Variants in HS3ST5 observed in about 807,000 individuals in gnomAD.
HS3ST5 encodes heparan sulfate glucosamine 3-O-sulfotransferase 5.
Under a neutral mutation model 25.4 loss-of-function variants are expected in HS3ST5, and 10 were observed. That is an observed-to-expected ratio of 0.39 (90% confidence interval 0.24 to 0.67). The LOEUF (loss-of-function observed/expected upper bound fraction) is 0.67. Among genes scored for constraint, HS3ST5 ranks in the 30% least tolerant of loss-of-function variants. The pLI is 0.44. For missense variants in HS3ST5, 324 were observed against 420.7 expected (o/e 0.77, Z 2.01); for synonymous variants, 170 against 162.4 (o/e 1.05, Z -0.36).
chr6:114,297,398 G>A (rs1774873371), intron 1 of HS3ST5, among the ~76,000 whole-genome samples: 1 of 152,164 alleles, frequency 6.6e-6, no homozygotes, highest in African/African-American at 2.4e-5. Context: ...CAGCCAAGCG[G>A]TGTCCTGAGG....
intron 1 of HS3ST5, among the ~76,000 whole-genome samples, chr6:114,259,573 G>T (rs1437541377): frequency 6.6e-6 from 1 of 152,150 alleles, no homozygotes; most frequent in African/African-American, 2.4e-5. Context: ...GGGTGAAATG[G>T]GTTCTCTTTT....
chr6:114,128,321 C>A (rs747210777), intron 3 of HS3ST5, among the ~76,000 whole-genome samples: 4 of 152,108 alleles, frequency 2.6e-5, no homozygotes, highest in Non-Finnish European at 5.9e-5. Flanking sequence ...TAAATAATAA[C>A]CTTTTTTAAA....
At chr6:114,129,585 T>C (rs1034334630) in intron 3 of HS3ST5, among the ~76,000 whole-genome samples, 4 of 151,802 alleles carry the variant, frequency 2.6e-5, no homozygotes, top group African/African-American at 9.7e-5. Context: ...TAGCAGAGGG[T>C]GGGATGCCAA....
At chr6:114,250,219 G>A (rs955910299) in intron 1 of HS3ST5, among the ~76,000 whole-genome samples, 3 of 152,152 alleles carry the variant, frequency 2.0e-5, no homozygotes, top group Admixed American at 6.5e-5. Flanking sequence ...TTCTTTGAGA[G>A]CTAATGACAA....
At chr6:114,221,460 A>G (rs557558736) in intron 2 of HS3ST5, among the ~76,000 whole-genome samples, 128 of 151,878 alleles carry the variant, frequency 8.4e-4, no homozygotes, top group African/African-American at 3.0e-3. Context: ...AAAAGTTAAC[A>G]TACTCTTACC....
chr6:114,248,029 G>A (rs1025564973), intron 1 of HS3ST5, among the ~76,000 whole-genome samples: 48 of 151,178 alleles, frequency 3.2e-4, no homozygotes, highest in African/African-American at 1.1e-3. Context: ...GCAAAACCCT[G>A]TCTTTACTAA....
intron 1 of HS3ST5, among the ~76,000 whole-genome samples, chr6:114,309,076 C>T (rs1036527762): frequency 2.0e-5 from 3 of 152,150 alleles, no homozygotes; most frequent in Admixed American, 6.5e-5. Flanking sequence ...TACAGAGTCA[C>T]ACTTACAGAG....
chr6:114,236,617 T>C (rs542197447), intron 1 of HS3ST5, among the ~76,000 whole-genome samples: 1 of 152,208 alleles, frequency 6.6e-6, no homozygotes, highest in African/African-American at 2.4e-5. Context: ...TAAAGCATGA[T>C]GATGATCACT....
chr6:114,202,567 A>C (rs1437706789), intron 2 of HS3ST5, among the ~76,000 whole-genome samples: 1 of 152,186 alleles, frequency 6.6e-6, no homozygotes, highest in Non-Finnish European at 1.5e-5. Context: ...TGATGCATGG[A>C]AAATTAAAAT....
rs776616639 is a variant in HS3ST5, at chr6:114,058,044, T to A, written c.254A>T (p.Asp85Val). 9 of 1,614,132 alleles carry A rather than the reference T, an allele frequency of 5.6e-6. No individual in the cohort carries two copies. Among genetic ancestry groups the A allele is most frequent in the Non-Finnish European group, 4.2e-6 (5 of 1,180,026 alleles). The change falls in exon 5 of 5, where the codon GAC becomes GTC. Residue 85 changes from aspartate to valine, a missense_variant. Physicochemically the swap from Asp to Val is radical, Grantham distance 152. This residue lies in a region of HS3ST5 where 121 missense variants were observed against 117.3 expected (regional missense o/e 1.03). Transcript: ENST00000312719. ...NASKEQVRLH[D>V]LVQQLPKAII... ...GGCCTTGGGGAGCTGCTGGACCAGGTCATGGAGGCGAACCTGCTCCTTGGA... is the reference window on the plus strand; with the variant it reads ...GGCCTTGGGGAGCTGCTGGACCAGGACATGGAGGCGAACCTGCTCCTTGGA...
intron 3 of HS3ST5, among the ~76,000 whole-genome samples, chr6:114,103,857 A>ATTTTTTTTTTTTTT (rs71553394): frequency 4.0e-4 from 43 of 107,108 alleles, no homozygotes; most frequent in African/African-American, 8.1e-4. Context: ...CACCTGGCTA[A>ATTTTTTTTTTTTTT]TTTTTTTTTT....
chr6:114,216,470 A>C (rs916039859), intron 2 of HS3ST5, among the ~76,000 whole-genome samples: 1 of 152,228 alleles, frequency 6.6e-6, no homozygotes, highest in African/African-American at 2.4e-5. Context: ...TGATACTTTT[A>C]ATCTTTGCTA....
At chr6:114,210,915 C>T (rs908182855) in intron 2 of HS3ST5, among the ~76,000 whole-genome samples, 3 of 152,184 alleles carry the variant, frequency 2.0e-5, no homozygotes, top group East Asian at 3.9e-4. Flanking sequence ...TTTTCAGTCC[C>T]GCACTATATC....
At chr6:114,246,670 T>C (rs1048649496) in intron 1 of HS3ST5, among the ~76,000 whole-genome samples, 4 of 152,204 alleles carry the variant, frequency 2.6e-5, no homozygotes, top group South Asian at 2.1e-4. Flanking sequence ...TTAATAGTTA[T>C]AGGAAATCCG....
intron 3 of HS3ST5, among the ~76,000 whole-genome samples, chr6:114,109,905 T>G (rs1776184186): frequency 6.6e-6 from 1 of 152,214 alleles, no homozygotes; most frequent in African/African-American, 2.4e-5. Context: ...GGTGCTTACC[T>G]TTTAGGAGAA....
chr6:114,102,399 G>A (rs564638775), intron 3 of HS3ST5, among the ~76,000 whole-genome samples: 1 of 152,284 alleles, frequency 6.6e-6, no homozygotes, highest in South Asian at 2.1e-4. Flanking sequence ...ATCTGGAGGA[G>A]CTCACTGTTG....
intron 2 of HS3ST5, among the ~76,000 whole-genome samples, chr6:114,193,137 A>G (rs1482170378): frequency 6.6e-6 from 1 of 152,186 alleles, no homozygotes; most frequent in Non-Finnish European, 1.5e-5. Flanking sequence ...AGCACTTTCA[A>G]TTAGCAAACT....
At chr6:114,289,249 AT>A (rs1774468233) in intron 1 of HS3ST5, among the ~76,000 whole-genome samples, 3 of 152,166 alleles carry the variant, frequency 2.0e-5, no homozygotes, top group South Asian at 2.1e-4. Flanking sequence ...AGCTAAAAAA[AT>A]AATACACATT....
At chr6:114,133,023 C>T (rs1400361288) in intron 3 of HS3ST5, among the ~76,000 whole-genome samples, 1 of 152,178 alleles carries the variant, frequency 6.6e-6, no homozygotes, top group Non-Finnish European at 1.5e-5. Flanking sequence ...CACTCCAAAC[C>T]CTTCCATGGT....
Sources: gnomAD v4.1 joint callset for allele counts (sites outside exome capture counted in the v4.1 genomes callset) on GRCh38, gnomAD v4.1.1 for gene constraint, gnomAD v4.1.1 regional missense constraint, MANE v1.5 for transcripts, NCBI Gene and HGNC (gene_info 2026-07-23, HGNC 2026-07-21) for gene names.